Variants in BUB1B observed in about 807,000 individuals in gnomAD.
The protein encoded by BUB1B is BUB1 mitotic checkpoint serine/threonine kinase B.
Under a neutral mutation model 137.7 loss-of-function variants are expected in BUB1B, and 86 were observed. The ratio of observed to expected loss-of-function variants is 0.62; its 90% confidence interval spans 0.52 to 0.75. The LOEUF (loss-of-function observed/expected upper bound fraction) is 0.75, where lower values mean the gene tolerates loss of function less well. Ranked by LOEUF, BUB1B falls within the 30% of genes least tolerant of loss-of-function variation. BUB1B has a pLI of 0.00. For missense variants in BUB1B, 1,130 were observed against 1,236.9 expected (o/e 0.91, Z 1.30); for synonymous variants, 420 against 417.9 (o/e 1.00, Z -0.06).
chr15:40,199,944 C>T (rs1193495746), intron 10 of BUB1B: 1 of 590,196 alleles, frequency 1.7e-6, no homozygotes, highest in African/African-American at 1.9e-5. Flanking sequence ...TTATTGACTT[C>T]TTAGTTATAC....
intron 15 of BUB1B, among the ~76,000 whole-genome samples, chr15:40,208,156 T>C (rs2140905207): frequency 6.6e-6 from 1 of 151,032 alleles, no homozygotes; most frequent in East Asian, 2.0e-4. Flanking sequence ...AAAATGAGGC[T>C]ATCAAATAAA....
intron 14 of BUB1B, among the ~76,000 whole-genome samples, chr15:40,204,664 C>T (rs991494274): frequency 6.6e-6 from 1 of 151,176 alleles, no homozygotes; most frequent in Non-Finnish European, 1.5e-5. Flanking sequence ...TTAGACAGGG[C>T]CTCGCTCTGT....
chr15:40,196,483 A>G (rs2037499061), intron 8 of BUB1B, 62 bp from the exon 9 acceptor site: 22 of 1,410,920 alleles, frequency 1.6e-5, no homozygotes, highest in Non-Finnish European at 2.1e-5. Context: ...AGCTTCTTTT[A>G]TCAATCTTAT....
chr15:40,219,212 A>C (rs1276535786), intron 22 of BUB1B, among the ~76,000 whole-genome samples: 1 of 152,062 alleles, frequency 6.6e-6, no homozygotes, highest in Non-Finnish European at 1.5e-5. Context: ...GTCTGGCCTA[A>C]ATTCCTTTTT....
In BUB1B at chr15:40,176,479, G is replaced by T. The variant is rs149153123; in HGVS notation, c.387G>T (p.Gly129=). Residue 129 remains glycine, a splice_region_variant and synonymous_variant, in exon 5 of 23, where the codon GGG becomes GGT. Coordinates refer to ENST00000287598, the MANE Select transcript of BUB1B (RefSeq NM_001211.6). ...PRFLNLWLKL[G]RLCNEPLDMY... ...AACTGTTAACACTTCTGTTACAGGG[G>T]CGTTTATGCAATGAGCCTTTGGATA... is the stretch of plus-strand genomic sequence containing the variant. 152 of 1,613,938 alleles carry T rather than the reference G, an allele frequency of 9.4e-5. No individual in the cohort carries two copies. Among genetic ancestry groups the T allele is most frequent in the Non-Finnish European group, 1.3e-4 (148 of 1,179,966 alleles).
intron 9 of BUB1B, 137 bp downstream of exon 9, chr15:40,196,911 G>C: frequency 1.3e-6 from 1 of 798,436 alleles, no homozygotes; most frequent in Non-Finnish European, 2.0e-6. Flanking sequence ...GTTTCTTTCT[G>C]TGTATCAGCC....
At chr15:40,214,488 C>G (rs1216812621) in intron 20 of BUB1B, among the ~76,000 whole-genome samples, 2 of 152,120 alleles carry the variant, frequency 1.3e-5, no homozygotes, top group Admixed American at 6.5e-5. Flanking sequence ...TCTGCCCAAC[C>G]CTGTGTCTTG....
intron 4 of BUB1B, among the ~76,000 whole-genome samples, chr15:40,175,280 A>G (rs922228722): frequency 5.9e-5 from 9 of 152,202 alleles, no homozygotes; most frequent in Non-Finnish European, 1.2e-4. Flanking sequence ...TGGAAGCTCT[A>G]TTAGATGAAA....
chr15:40,212,626 A>G lies in BUB1B; in HGVS notation c.2513A>G (p.Tyr838Cys), dbSNP rs753916523. ...GATGGCTGTATTGTTTGGCACCAAT[A>G]TATAAACTGCTTCACCCTTCAGGTC... The part of the protein sequence containing the change: ...YQDGCIVWHQ[Y>C]INCFTLQDLL... The change falls in exon 19 of 23, where the codon TAT becomes TGT. Residue 838 changes from tyrosine (Y) to cysteine (C), a missense_variant. Physicochemically the swap from Tyr to Cys is radical, Grantham distance 194 (BLOSUM62 -2). Transcript: ENST00000287598. 2.5e-6 allele frequency: 4 copies of G among 1,613,610 alleles called. No homozygotes were observed. In the East Asian group the frequency reaches 8.9e-5, roughly 36 times the overall value.
intron 9 of BUB1B, among the ~76,000 whole-genome samples, chr15:40,197,266 G>C (rs1038957280): frequency 6.6e-6 from 1 of 152,102 alleles, no homozygotes; most frequent in Non-Finnish European, 1.5e-5. Flanking sequence ...TTAGATTATA[G>C]ATATTCGTAT....
chr15:40,218,703 A>G (rs1029083528), intron 22 of BUB1B, 141 bp downstream of exon 22: 2 of 718,058 alleles, frequency 2.8e-6, no homozygotes, highest in African/African-American at 1.8e-5. Flanking sequence ...TCATTAGAGT[A>G]TCAGCAGAGC....
chr15:40,166,339 C>CT (rs746106063), intron 2 of BUB1B: 21,686 of 335,948 alleles, frequency 0.065, 18 homozygotes, highest in East Asian at 0.11. Flanking sequence ...CTCTCTCTCT[C>CT]TTTTTTTTTT....
At chr15:40,203,271 A>C (rs2037597328) in intron 14 of BUB1B, among the ~76,000 whole-genome samples, 1 of 152,202 alleles carries the variant, frequency 6.6e-6, no homozygotes, top group Non-Finnish European at 1.5e-5. Flanking sequence ...AACCTTGAAA[A>C]CGTTATGTCA....
At position 40,197,865 on chromosome 15, in the gene BUB1B, G is replaced by T. The variant is rs187114533; in HGVS notation, c.1288+1091G>T. Among the ~76,000 whole-genome samples the T allele has an allele frequency of 5.3e-5, 8 of 152,296 alleles. No homozygotes were observed. In the East Asian group the frequency reaches 1.5e-3, roughly 29 times the overall value. On this transcript the variant is annotated intron_variant, in intron 9 of 22. Coordinates refer to ENST00000287598, the MANE Select transcript of BUB1B (RefSeq NM_001211.6). ...GGTTGCAAAGCAAGGTGTTGAGTAA[G>T]GCTTTTAAAAAAGGAGAACCACTCC...
chr15:40,197,214 A>G (rs971365715), intron 9 of BUB1B, among the ~76,000 whole-genome samples: 3 of 152,172 alleles, frequency 2.0e-5, no homozygotes, highest in African/African-American at 7.2e-5. Flanking sequence ...AATTTCTCCA[A>G]GGGCTTATTT....
chr15:40,176,732 T>G, intron 5 of BUB1B, 59 bp downstream of exon 5: 1 of 1,561,790 alleles, frequency 6.4e-7, no homozygotes, highest in South Asian at 1.1e-5. Flanking sequence ...ATTATCTCTT[T>G]TTTGCATCTG....
chr15:40,186,244 T>C (rs2037359025), intron 8 of BUB1B, among the ~76,000 whole-genome samples: 1 of 152,080 alleles, frequency 6.6e-6, no homozygotes, highest in African/African-American at 2.4e-5. Context: ...ACGTTCTCAT[T>C]TTGTCATTGA....
At chr15:40,209,812 C>T in intron 17 of BUB1B, 37 bp downstream of exon 17, 4 of 1,609,358 alleles carry the variant, frequency 2.5e-6, no homozygotes, top group Non-Finnish European at 3.4e-6. Flanking sequence ...TGGTTCATGA[C>T]AGTATACAAA....
chr15:40,202,295 AG>A lies in BUB1B; in HGVS notation c.1568-108del, dbSNP rs1453497614. Reference sequence around the variant, plus strand: ...TGAAGCTTTTTGTTATTAAAAAAACAGGTTGCCTTCCTGCTTTCAAACAACA... The same window carrying A: ...TGAAGCTTTTTGTTATTAAAAAAACAGTTGCCTTCCTGCTTTCAAACAACA... On this transcript the variant is annotated intron_variant, in intron 12 of 22. Coordinates refer to ENST00000287598, the MANE Select transcript of BUB1B (RefSeq NM_001211.6). The A allele has an allele frequency of 8.8e-6, 8 of 904,146 alleles. No individual in the cohort carries two copies. In the East Asian group the frequency reaches 9.8e-5, roughly 11 times the overall value. 56.0% of individuals were successfully genotyped at this position (904,146 alleles called of 1,614,324 possible).
Sources: gnomAD v4.1 joint callset for allele counts (sites outside exome capture counted in the v4.1 genomes callset) on GRCh38, gnomAD v4.1.1 for gene constraint, MANE v1.5 for transcripts, NCBI Gene and HGNC (gene_info 2026-07-23, HGNC 2026-07-21) for gene names.